Variants in GPC5 observed in about 807,000 individuals in gnomAD.
GPC5 encodes glypican 5.
In GPC5, 47 loss-of-function variants were observed where a neutral mutation model predicts 53.9. The observed-to-expected ratio is 0.87, with a 90% CI of 0.69 to 1.11. The LOEUF is 1.11. GPC5 is among the 50% of genes most tolerant of loss of function. The pLI is 0.00. For missense variants in GPC5, 748 were observed against 713.1 expected, an observed-to-expected ratio of 1.05 and a Z score of -0.56; for synonymous variants, 286 against 263.3, an observed-to-expected ratio of 1.09 and a Z score of -0.84.
chr13:92,451,453 A>T (rs1878057664), intron 7 of GPC5, among the ~76,000 whole-genome samples: 6 of 152,126 alleles, frequency 3.9e-5, no homozygotes. Flanking sequence ...GACATGTAAA[A>T]AGTACTATAT....
At chr13:92,343,279 C>G (rs1393412420) in intron 7 of GPC5, among the ~76,000 whole-genome samples, 1 of 152,246 alleles carries the variant, frequency 6.6e-6, no homozygotes, top group Non-Finnish European at 1.5e-5. Context: ...AGGAGGCCAG[C>G]AGGGCAGGAA....
chr13:92,611,440 T>C (rs1884432708), intron 7 of GPC5, among the ~76,000 whole-genome samples: 1 of 152,100 alleles, frequency 6.6e-6, no homozygotes, highest in Non-Finnish European at 1.5e-5. Context: ...TGTCAGAAAA[T>C]GGATCCTTAA....
chr13:92,219,883 A>G (rs941754871), intron 7 of GPC5, among the ~76,000 whole-genome samples: 3 of 152,086 alleles, frequency 2.0e-5, no homozygotes, highest in Admixed American at 6.5e-5. Context: ...AAAATCTGTA[A>G]TCAGGCTCCT....
chr13:91,919,587 T>C (rs956436758), intron 6 of GPC5, among the ~76,000 whole-genome samples: 6 of 152,182 alleles, frequency 3.9e-5, no homozygotes, highest in Admixed American at 6.6e-5. Context: ...AGAAGTTTAC[T>C]TATAATAAGT....
At chr13:92,016,642 T>A (rs1547656) in intron 6 of GPC5, among the ~76,000 whole-genome samples, 2 of 151,934 alleles carry the variant, frequency 1.3e-5, no homozygotes, top group African/African-American at 2.4e-5. Context: ...TCTTTGAATG[T>A]GGTTTCATAT....
chr13:92,309,842 G>A (rs756286107), intron 7 of GPC5, among the ~76,000 whole-genome samples: 8 of 152,048 alleles, frequency 5.3e-5, no homozygotes, highest in Non-Finnish European at 1.0e-4. Flanking sequence ...GATCTCCAGA[G>A]TGTATTTAAC....
At chr13:91,564,993 T>TGGG (rs66999708) in intron 2 of GPC5, among the ~76,000 whole-genome samples, 453 of 117,952 alleles carry the variant, frequency 3.8e-3, no homozygotes, top group Middle Eastern at 9.1e-3. Context: ...GGCTTTTTTT[T>TGGG]GGGGGGGGGT....
At chr13:91,735,918 A>G (rs1363926980) in intron 4 of GPC5, among the ~76,000 whole-genome samples, 1 of 151,436 alleles carries the variant, frequency 6.6e-6, no homozygotes, top group African/African-American at 2.5e-5. Flanking sequence ...AAAGTAAAAT[A>G]TAAGACTTTG....
intron 2 of GPC5, among the ~76,000 whole-genome samples, chr13:91,549,517 A>G (rs1444913492): frequency 6.6e-6 from 1 of 152,170 alleles, no homozygotes; most frequent in Non-Finnish European, 1.5e-5. Flanking sequence ...ACATCTGATA[A>G]AGGACTGTTA....
chr13:92,325,095 T>A (rs149220634), intron 7 of GPC5, among the ~76,000 whole-genome samples: 79 of 135,182 alleles, frequency 5.8e-4, no homozygotes, highest in African/African-American at 2.4e-3. Context: ...ATACCTTTAA[T>A]AACTTCTGAC....
At chr13:91,710,661 G>A (rs9589342) in intron 3 of GPC5, among the ~76,000 whole-genome samples, 64 of 152,220 alleles carry the variant, frequency 4.2e-4, no homozygotes, top group African/African-American at 1.5e-3. Flanking sequence ...GTACTGTCTG[G>A]GTTCTAAGGC....
At chr13:91,890,024 A>G (rs1305575608) in intron 5 of GPC5, among the ~76,000 whole-genome samples, 1 of 152,186 alleles carries the variant, frequency 6.6e-6, no homozygotes, top group Non-Finnish European at 1.5e-5. Flanking sequence ...CTATGTGTGC[A>G]TTCAGGGAGG....
chr13:92,459,811 CA>C (rs1204348579), intron 7 of GPC5, among the ~76,000 whole-genome samples: 1 of 151,916 alleles, frequency 6.6e-6, no homozygotes, highest in African/African-American at 2.4e-5. Context: ...CACTTTTTTT[CA>C]GCTTGTCTCT....
At position 92,323,455 on chromosome 13, in the gene GPC5, A is replaced by C. The variant is rs141711807; in HGVS notation, c.1561+178466A>C. 1.2e-4 allele frequency among the ~76,000 whole-genome samples: 18 copies of C among 151,548 alleles called. No homozygotes were observed. The East Asian group carries it at 3.5e-3, about 29-fold the overall frequency. On this transcript the variant is annotated intron_variant, in intron 7 of 7. Transcript: ENST00000377067. Reference sequence around the variant, plus strand: ...AATACCTATTAACTAGTTTGAACTGATTAGATGAGGAAAAAATATTTAAAA... The same window carrying C: ...AATACCTATTAACTAGTTTGAACTGCTTAGATGAGGAAAAAATATTTAAAA...
chr13:91,419,041 C>A (rs1878426858), intron 1 of GPC5, among the ~76,000 whole-genome samples: 1 of 151,970 alleles, frequency 6.6e-6, no homozygotes, highest in Non-Finnish European at 1.5e-5. Flanking sequence ...TATAGGTATT[C>A]ATATGATGTA....
At chr13:92,821,071 T>G (rs902704627) in intron 7 of GPC5, among the ~76,000 whole-genome samples, 1 of 152,142 alleles carries the variant, frequency 6.6e-6, no homozygotes, top group African/African-American at 2.4e-5. Flanking sequence ...CAGACTAAGT[T>G]GTATATTCCT....
chr13:92,632,638 AATAG>A (rs1016827814), intron 7 of GPC5, among the ~76,000 whole-genome samples: 1 of 152,050 alleles, frequency 6.6e-6, no homozygotes, highest in African/African-American at 2.4e-5. Context: ...TATCAGATAA[AATAG>A]ATAAACAATT....
intron 3 of GPC5, among the ~76,000 whole-genome samples, chr13:91,722,779 C>T (rs79818439): frequency 0.012 from 1,816 of 152,300 alleles, 26 homozygotes; most frequent in Non-Finnish European, 0.02. Context: ...CTTCTTTACT[C>T]TTTGCTAACC....
chr13:92,140,221 C>T (rs960542726), intron 6 of GPC5, among the ~76,000 whole-genome samples: 3 of 152,166 alleles, frequency 2.0e-5, no homozygotes, highest in Admixed American at 2.0e-4. Context: ...AAATTCTAGA[C>T]ATAAAGTCAT....
Sources: gnomAD v4.1 joint callset for allele counts (sites outside exome capture counted in the v4.1 genomes callset) on GRCh38, gnomAD v4.1.1 for gene constraint, MANE v1.5 for transcripts, NCBI Gene and HGNC (gene_info 2026-07-23, HGNC 2026-07-21) for gene names.